Variants in ADAMTSL1 observed in about 807,000 individuals in gnomAD.
ADAMTSL1 encodes ADAMTS like 1, also known as ADAMTS-like protein 1.
A neutral mutation model predicts 201.8 loss-of-function variants in ADAMTSL1; 126 were observed. The observed-to-expected ratio is 0.62, with a 90% CI of 0.54 to 0.72. The LOEUF (loss-of-function observed/expected upper bound fraction) is 0.72. ADAMTSL1 is among the 30% of genes least tolerant of loss of function. The pLI is 0.00. For synonymous variants in ADAMTSL1, 1,121 were observed against 903.4 expected (o/e 1.24, Z -4.32); for missense variants, 2,679 against 2,277.8 (o/e 1.18, Z -3.59).
At chr9:18,375,865 A>G (rs996695676) in intron 2 of ADAMTSL1, among the ~76,000 whole-genome samples, 1 of 152,086 alleles carries the variant, frequency 6.6e-6, no homozygotes, top group African/African-American at 2.4e-5. Flanking sequence ...CAGACTGCTG[A>G]TTGGTCCATT....
chr9:18,643,997 C>A (rs906300358), intron 7 of ADAMTSL1, among the ~76,000 whole-genome samples: 2 of 151,758 alleles, frequency 1.3e-5, no homozygotes, highest in Non-Finnish European at 2.9e-5. Context: ...AATATAAATT[C>A]TTCCAATTCA....
At chr9:18,624,703 A>G (rs1232751340) in intron 5 of ADAMTSL1, among the ~76,000 whole-genome samples, 1 of 152,102 alleles carries the variant, frequency 6.6e-6, no homozygotes, top group Non-Finnish European at 1.5e-5. Context: ...GGGATGGGTG[A>G]CCTCTAGGGC....
At chr9:18,831,527 T>G (rs1377461569) in intron 23 of ADAMTSL1, among the ~76,000 whole-genome samples, 1 of 152,236 alleles carries the variant, frequency 6.6e-6, no homozygotes, top group African/African-American at 2.4e-5. Flanking sequence ...TAGCTTTACT[T>G]TCAGTCTCCC....
intron 7 of ADAMTSL1, among the ~76,000 whole-genome samples, chr9:18,650,213 T>C (rs1427449033): frequency 1.3e-5 from 2 of 152,208 alleles, no homozygotes; most frequent in African/African-American, 4.8e-5. Context: ...GGATATAATC[T>C]CCTGGTGTGC....
chr9:18,532,452 A>T (rs1429054735), intron 2 of ADAMTSL1, among the ~76,000 whole-genome samples: 1 of 152,186 alleles, frequency 6.6e-6, no homozygotes, highest in African/African-American at 2.4e-5. Context: ...ACCAAAGTGG[A>T]AATTACTTAA....
chr9:18,181,219 G>A (rs1474698841), intron 2 of ADAMTSL1, among the ~76,000 whole-genome samples: 5 of 152,214 alleles, frequency 3.3e-5, no homozygotes, highest in Admixed American at 2.0e-4. Context: ...TCAGGACATA[G>A]GCATGGGCAA....
chr9:17,940,837 C>G (rs1329807426), intron 1 of ADAMTSL1, among the ~76,000 whole-genome samples: 1 of 100,456 alleles, frequency 1.0e-5, no homozygotes, highest in Non-Finnish European at 1.9e-5. Context: ...AATAACGACT[C>G]GTCATGTCTT....
rs149964110 is a variant in ADAMTSL1 at position 18,109,417 on chromosome 9, G to T, written c.88-54445G>T. 4.6e-5 allele frequency among the ~76,000 whole-genome samples: 7 copies of T among 152,224 alleles called. No homozygotes were observed. In the East Asian group the frequency reaches 1.4e-3, roughly 30 times the overall value. On this transcript the variant is annotated intron_variant, in intron 1 of 29. Transcript: ENST00000680146. The stretch of plus-strand genomic sequence containing the variant: ...ACTGCAGTACTTCTGTGTATCATAT[G>T]TTGGCCAGTCTGGGACATTCTGAAG...
intron 19 of ADAMTSL1, among the ~76,000 whole-genome samples, chr9:18,783,196 C>G (rs1420873110): frequency 6.6e-6 from 1 of 152,320 alleles, no homozygotes; most frequent in South Asian, 2.1e-4. Flanking sequence ...GAACACTTCT[C>G]TCCAGCAACT....
At chr9:18,057,574 G>A (rs1290564249) in intron 1 of ADAMTSL1, among the ~76,000 whole-genome samples, 1 of 152,134 alleles carries the variant, frequency 6.6e-6, no homozygotes, top group Non-Finnish European at 1.5e-5. Context: ...GGCAAATTTA[G>A]TACTTGGTTA....
At position 17,911,642 on chromosome 9, in the gene ADAMTSL1, C is replaced by G. The variant is rs999019544; in HGVS notation, c.87+4720C>G. Among the ~76,000 whole-genome samples, 3 of 68,342 alleles carry G rather than the reference C, an allele frequency of 4.4e-5. 1 individual carries two copies. Among genetic ancestry groups the G allele is most frequent in the African/African-American group, 8.8e-5 (3 of 33,988 alleles). 44.8% of individuals were successfully genotyped at this position (68,342 alleles called of 152,430 possible). A position where few individuals can be genotyped will look rare whatever the true frequency, so the allele number is the denominator to read the frequency against. On this transcript the variant is annotated intron_variant, in intron 1 of 29. Transcript: ENST00000680146. ...CCTGGTTGGCTGGAAAGAATTGCGC[C>G]TTTATGGGCACCTGATTTCCAACTA...
intron 10 of ADAMTSL1, among the ~76,000 whole-genome samples, chr9:18,677,387 A>G (rs1180328856): frequency 6.6e-6 from 1 of 152,062 alleles, no homozygotes; most frequent in East Asian, 1.9e-4. Flanking sequence ...AATTTTTTGA[A>G]GTAATGAAAA....
chr9:18,666,478 C>T (rs1359893234), intron 9 of ADAMTSL1, among the ~76,000 whole-genome samples: 1 of 152,118 alleles, frequency 6.6e-6, no homozygotes, highest in Non-Finnish European at 1.5e-5. Flanking sequence ...TCCAGAGACA[C>T]ACCCTCCTGC....
chr9:18,471,501 T>C (rs1486122459), upstream of ADAMTSL1, among the ~76,000 whole-genome samples: 7 of 152,228 alleles, frequency 4.6e-5, 1 homozygote, highest in South Asian at 4.1e-4. Flanking sequence ...ACCATAAAGA[T>C]GGCATGTACA....
At chr9:18,816,969 A>G (rs905874242) in intron 20 of ADAMTSL1, 140 bp from the exon 21 acceptor site, 9 of 1,130,032 alleles carry the variant, frequency 8.0e-6, no homozygotes, top group African/African-American at 7.9e-5. Flanking sequence ...TGCGCTTGCA[A>G]TTTTTCAAGA....
intron 2 of ADAMTSL1, among the ~76,000 whole-genome samples, chr9:18,406,289 TTTTTCTTTTCTTTTCTTTTCTTTTC>T (rs141305844): frequency 9.4e-5 from 11 of 117,488 alleles, no homozygotes; most frequent in African/African-American, 2.5e-4. Context: ...ATAAGACAGT[TTTTTCTTTTCTTTTCTTTTCTTTTC>T]TTTTCTTTTC....
chr9:17,966,763 CT>C (rs951086951), intron 1 of ADAMTSL1, among the ~76,000 whole-genome samples: 6 of 152,010 alleles, frequency 3.9e-5, no homozygotes, highest in Non-Finnish European at 7.4e-5. Flanking sequence ...TCTAGCATTT[CT>C]TTTTCTTTTA....
At chr9:17,973,844 G>A (rs2798923) in intron 1 of ADAMTSL1, among the ~76,000 whole-genome samples, 85,740 of 148,350 alleles carry the variant, frequency 0.58, 25,690 homozygotes, top group East Asian at 0.92. Context: ...ATTTCATTGA[G>A]CAGTGGTTTG....
chr9:18,807,495 A>C (rs1316445639), intron 20 of ADAMTSL1, among the ~76,000 whole-genome samples: 1 of 152,066 alleles, frequency 6.6e-6, no homozygotes, highest in East Asian at 1.9e-4. Flanking sequence ...AATACAAAAA[A>C]TTAGCCGGGC....
Sources: gnomAD v4.1 joint callset for allele counts (sites outside exome capture counted in the v4.1 genomes callset) on GRCh38, gnomAD v4.1.1 for gene constraint, MANE v1.5 for transcripts, NCBI Gene and HGNC (gene_info 2026-07-23, HGNC 2026-07-21) for gene names.